Variants in PSMG4 observed in about 807,000 individuals in gnomAD.
PSMG4 encodes the protein proteasome (prosome, macropain) assembly chaperone 4.
Under a neutral mutation model 11.0 loss-of-function variants are expected in PSMG4, and 10 were observed. That is an observed-to-expected ratio of 0.91 (90% confidence interval 0.56 to 1.54). The LOEUF (loss-of-function observed/expected upper bound fraction) is 1.54. Ranked by LOEUF, PSMG4 falls within the 40% of genes most tolerant of loss-of-function variation. The pLI, the probability that PSMG4 is intolerant of heterozygous loss-of-function variation, is 0.00. For synonymous variants in PSMG4, 95 were observed against 71.3 expected (o/e 1.33, Z -1.68); for missense variants, 198 against 160.9 (o/e 1.23, Z -1.25).
chr6:3,259,242 G>GGGGGCGCC, intron 1 of PSMG4, 46 bp downstream of exon 1: 1 of 1,243,044 alleles, frequency 8.0e-7, no homozygotes, highest in Non-Finnish European at 1.0e-6. Context: ...GCGGGGGCGC[G>GGGGGCGCC]GGGGCGCCGG....
upstream of PSMG4, chr6:3,255,062 C>CTTGGAAT: frequency 1.3e-6 from 2 of 1,550,938 alleles, no homozygotes; most frequent in South Asian, 1.2e-5. Context: ...AACAAACACA[C>CTTGGAAT]TTGGAATATG....
chr6:3,265,001 TC>T (rs1758127880), intron 2 of PSMG4: 1 of 152,154 alleles, frequency 6.6e-6, no homozygotes, highest in Non-Finnish European at 1.5e-5. Context: ...GCGGACACAC[TC>T]CCATAGAGAA....
upstream of PSMG4, chr6:3,255,311 A>G: frequency 2.0e-6 from 3 of 1,513,534 alleles, no homozygotes; most frequent in African/African-American, 1.4e-5. Context: ...AGAGTGGTGG[A>G]TGAGGCTAAC....
chr6:3,265,779 A>G (rs1419598659), intron 2 of PSMG4: 1 of 152,190 alleles, frequency 6.6e-6, no homozygotes, highest in African/African-American at 2.4e-5. Flanking sequence ...GGCTGAGCAG[A>G]TAACTGGGCA....
chr6:3,254,914 G>A (rs191935280), upstream of PSMG4: 432 of 922,962 alleles, frequency 4.7e-4, 3 homozygotes, highest in Admixed American at 9.0e-3. Context: ...TCTCTGAGCT[G>A]GTGCTTCAGC....
chr6:3,266,832 AG>A (rs1183192016), intron 2 of PSMG4: 3 of 149,528 alleles, frequency 2.0e-5, no homozygotes, highest in African/African-American at 7.4e-5. Flanking sequence ...GTGGTGCTGA[AG>A]GAGAACTTTA....
upstream of PSMG4, chr6:3,255,275 AC>A (rs1481952229): frequency 2.5e-5 from 39 of 1,542,738 alleles, no homozygotes; most frequent in Non-Finnish European, 3.2e-5. Context: ...CGGCTGTCTT[AC>A]GGGTCTATCG....
chr6:3,261,621 T>G (rs1208423962), intron 1 of PSMG4, among the ~76,000 whole-genome samples: 1 of 152,200 alleles, frequency 6.6e-6, no homozygotes, highest in Non-Finnish European at 1.5e-5. Flanking sequence ...TTGTCAGAAG[T>G]CCAGTCCCTC....
chr6:3,262,013 A>G (rs1334695754), intron 1 of PSMG4, among the ~76,000 whole-genome samples: 1 of 152,216 alleles, frequency 6.6e-6, no homozygotes, highest in Non-Finnish European at 1.5e-5. Flanking sequence ...GAGACTGTAG[A>G]GAACAGACAC....
upstream of PSMG4, among the ~76,000 whole-genome samples, chr6:3,257,742 T>C (rs1757813824): frequency 6.6e-6 from 1 of 151,470 alleles, no homozygotes; most frequent in Non-Finnish European, 1.5e-5. Flanking sequence ...GCAGGAGTCA[T>C]TACTGAGGGC....
At chr6:3,254,902 G>C, upstream of PSMG4, 1 of 842,870 alleles carries the variant, frequency 1.2e-6, no homozygotes, top group Non-Finnish European at 1.8e-6. Context: ...GTAAGTGAAT[G>C]ATCTCTGAGC....
At chr6:3,262,101 T>C (rs1468472862) in intron 1 of PSMG4, among the ~76,000 whole-genome samples, 1 of 152,166 alleles carries the variant, frequency 6.6e-6, no homozygotes, top group Non-Finnish European at 1.5e-5. Flanking sequence ...CTAGTGACAC[T>C]GAGTCCTACC....
Position 3,267,662 on chromosome 6 carries a change from G to A in PSMG4, c.322G>A (p.Val108Ile). Residue 108 changes from valine to isoleucine, a missense_variant, in exon 3 of 3, where the codon GTA becomes ATA. Val to Ile is a conservative substitution (Grantham distance 29, BLOSUM62 3). Coordinates refer to ENST00000438998, the MANE Select transcript of PSMG4 (RefSeq NM_001128591.2). ...QNTDSNFALL[V>I]ENRIKEEMEA... ...CACAGACAGTAACTTCGCATTACTT[G>A]TAGAAAACAGGATCAAGGAAGAGAT... is the stretch of plus-strand genomic sequence containing the variant. The A allele has an allele frequency of 6.4e-7, 1 of 1,552,142 alleles. No individual in the cohort carries two copies. Among genetic ancestry groups the A allele is most frequent in the East Asian group, 2.4e-5 (1 of 40,932 alleles).
upstream of PSMG4, chr6:3,254,969 G>C (rs1757699911): frequency 1.4e-6 from 2 of 1,444,998 alleles, no homozygotes; most frequent in Non-Finnish European, 9.3e-7. Context: ...CAGAGCATGT[G>C]ATGTGGCTGT....
chr6:3,257,398 A>T (rs1174915564), upstream of PSMG4, among the ~76,000 whole-genome samples: 3 of 152,190 alleles, frequency 2.0e-5, no homozygotes, highest in Non-Finnish European at 4.4e-5. Context: ...CCATCATTAC[A>T]ATCCAGATTG....
intron 1 of PSMG4, among the ~76,000 whole-genome samples, chr6:3,263,482 A>C: frequency 6.6e-6 from 1 of 151,300 alleles, no homozygotes. Context: ...ATCTTTCCCA[A>C]CTCCGCTGAC....
At chr6:3,255,064 T>A, upstream of PSMG4, 1 of 1,550,952 alleles carries the variant, frequency 6.4e-7, no homozygotes, top group Non-Finnish European at 8.7e-7. Flanking sequence ...CAAACACACT[T>A]GGAATATGCT....
intron 2 of PSMG4, chr6:3,264,326 G>T (rs1758106028): frequency 6.5e-7 from 1 of 1,549,606 alleles, no homozygotes; most frequent in Non-Finnish European, 8.7e-7. Flanking sequence ...TGTGGGCCAG[G>T]TAAGGCTTCC....
intron 1 of PSMG4, among the ~76,000 whole-genome samples, chr6:3,260,881 G>A (rs574549884): frequency 5.7e-4 from 87 of 152,340 alleles, no homozygotes; most frequent in Admixed American, 1.4e-3. Context: ...GTGACCTTCG[G>A]GCTCTGTTAC....
Sources: allele counts gnomAD v4.1 joint callset (sites outside exome capture counted in the v4.1 genomes callset), GRCh38; gene constraint gnomAD v4.1.1; transcripts MANE v1.5; gene names NCBI Gene and HGNC (gene_info 2026-07-23, HGNC 2026-07-21).